Variants in SGCZ observed in about 807,000 individuals in gnomAD.
The protein encoded by SGCZ is sarcoglycan zeta.
A neutral mutation model predicts 41.3 loss-of-function variants in SGCZ; 40 were observed. The ratio of observed to expected loss-of-function variants is 0.97; its 90% CI spans 0.75 to 1.26. The LOEUF (loss-of-function observed/expected upper bound fraction) is 1.26, where lower values mean the gene tolerates loss of function less well. Ranked by LOEUF, SGCZ falls within the 50% of genes most tolerant of loss-of-function variation. SGCZ has a pLI of 0.00. For missense variants in SGCZ, 552 were observed against 369.8 expected, an observed-to-expected ratio of 1.49 and a Z score of -4.04; for synonymous variants, 206 against 137.5, an observed-to-expected ratio of 1.50 and a Z score of -3.49.
intron 1 of SGCZ, among the ~76,000 whole-genome samples, chr8:14,702,782 C>CAGATAGAT (rs1246794765): frequency 1.7e-4 from 14 of 80,962 alleles, no homozygotes; most frequent in African/African-American, 5.8e-4. Flanking sequence ...GATAGATAGA[C>CAGATAGAT]AGACAGACAG....
intron 2 of SGCZ, among the ~76,000 whole-genome samples, chr8:14,531,182 C>T (rs1803119145): frequency 6.6e-6 from 1 of 151,816 alleles, no homozygotes; most frequent in Non-Finnish European, 1.5e-5. Flanking sequence ...CTAAATGTTG[C>T]TTTTTCCAAG....
chr8:14,411,823 C>A (rs546442511), intron 2 of SGCZ, among the ~76,000 whole-genome samples: 1 of 152,164 alleles, frequency 6.6e-6, no homozygotes, highest in East Asian at 1.9e-4. Context: ...AAAATGTGCT[C>A]TTTTTCCAGT....
chr8:14,791,260 G>A (rs549535101), intron 1 of SGCZ, among the ~76,000 whole-genome samples: 3 of 151,950 alleles, frequency 2.0e-5, no homozygotes, highest in East Asian at 1.9e-4. Flanking sequence ...GTTTGCCAGA[G>A]ACTGCTTTTC....
intron 1 of SGCZ, among the ~76,000 whole-genome samples, chr8:15,039,390 A>G (rs1285112606): frequency 6.6e-6 from 1 of 152,214 alleles, no homozygotes; most frequent in Admixed American, 6.5e-5. Flanking sequence ...CAAATACCGC[A>G]TGATATTACT....
chr8:14,647,556 C>G (rs1182576870), intron 1 of SGCZ, among the ~76,000 whole-genome samples: 1 of 151,872 alleles, frequency 6.6e-6, no homozygotes, highest in East Asian at 1.9e-4. Context: ...ATGGTACGAG[C>G]CTTCTTCATG....
chr8:15,191,828 A>AT (rs1800550619), intron 1 of SGCZ, among the ~76,000 whole-genome samples: 1 of 152,064 alleles, frequency 6.6e-6, no homozygotes, highest in African/African-American at 2.4e-5. Flanking sequence ...TAATTATACA[A>AT]AATGACTCTA....
intron 5 of SGCZ, among the ~76,000 whole-genome samples, chr8:14,136,941 G>A (rs556864716): frequency 5.3e-5 from 8 of 152,284 alleles, no homozygotes; most frequent in East Asian, 1.9e-4. Context: ...CCTCTGAGAC[G>A]AAGCTTACAG....
chr8:14,785,294 G>T (rs971969403), intron 1 of SGCZ, among the ~76,000 whole-genome samples: 1 of 151,976 alleles, frequency 6.6e-6, no homozygotes, highest in East Asian at 1.9e-4. Flanking sequence ...ACAAAAAGTT[G>T]TCCTTTCTCA....
chr8:15,224,442 A>G (rs1801704015), intron 1 of SGCZ, among the ~76,000 whole-genome samples: 2 of 152,216 alleles, frequency 1.3e-5, no homozygotes. Context: ...AAAAATTCTG[A>G]AAAGCTAGAG....
At chr8:15,172,165 T>G (rs201293401) in intron 1 of SGCZ, among the ~76,000 whole-genome samples, 1 of 58,848 alleles carries the variant, frequency 1.7e-5, no homozygotes, top group Non-Finnish European at 5.1e-5. Context: ...TTTTTTTTTT[T>G]TTTTTTTTTT....
At chr8:14,121,238 ATATT>A (rs1265424755) in intron 5 of SGCZ, among the ~76,000 whole-genome samples, 1 of 151,866 alleles carries the variant, frequency 6.6e-6, no homozygotes, top group African/African-American at 2.4e-5. Flanking sequence ...ATATTCAACT[ATATT>A]ATATTCAGTA....
intron 1 of SGCZ, among the ~76,000 whole-genome samples, chr8:14,943,998 C>A (rs559012360): frequency 6.6e-5 from 10 of 152,188 alleles, no homozygotes; most frequent in Non-Finnish European, 1.2e-4. Context: ...TTTCTTTATC[C>A]AGTCTACTGC....
In SGCZ at chr8:14,086,750, A is replaced by G. The variant is rs1305145116; in HGVS notation, c.*3693T>C. On this transcript the variant is annotated 3_prime_UTR_variant, in exon 8 of 8. Transcript: ENST00000382080. The stretch of plus-strand genomic sequence containing the variant: ...AAGAGTGTAAAAGGGAGTATAAAAA[A>G]GAGCATAGGAAGTAGCGTGCCAAAA... Among the ~76,000 whole-genome samples the G allele has an allele frequency of 6.6e-6, 1 of 151,728 alleles. No homozygotes were observed. Among genetic ancestry groups the G allele is most frequent in the Admixed American group, 6.6e-5 (1 of 15,180 alleles).
intron 1 of SGCZ, among the ~76,000 whole-genome samples, chr8:14,609,778 T>C (rs1033294129): frequency 6.6e-6 from 1 of 152,144 alleles, no homozygotes; most frequent in Non-Finnish European, 1.5e-5. Context: ...TTTGTATACA[T>C]GTCTCATTTC....
At chr8:15,229,011 T>C (rs1801861165) in intron 1 of SGCZ, among the ~76,000 whole-genome samples, 1 of 152,100 alleles carries the variant, frequency 6.6e-6, no homozygotes, top group South Asian at 2.1e-4. Flanking sequence ...CTGGCCAACA[T>C]GGTGAAACCC....
chr8:14,684,693 T>G (rs115216634), intron 1 of SGCZ, among the ~76,000 whole-genome samples: 53,493 of 151,364 alleles, frequency 0.35, 11,997 homozygotes, highest in African/African-American at 0.64. Context: ...TTGTTTTTCC[T>G]TTTTTTGTTT....
At chr8:14,502,356 A>G (rs1330185082) in intron 2 of SGCZ, among the ~76,000 whole-genome samples, 1 of 152,180 alleles carries the variant, frequency 6.6e-6, no homozygotes, top group Non-Finnish European at 1.5e-5. Flanking sequence ...GCAATAAGTA[A>G]TATTTATTCA....
In SGCZ at chr8:14,519,468, T is replaced by C. The variant is rs1802723408; in HGVS notation, c.234+35264A>G. 2.0e-5 allele frequency among the ~76,000 whole-genome samples: 3 copies of C among 152,262 alleles called. No individual in the cohort carries two copies. In the South Asian group the frequency reaches 6.2e-4, roughly 32 times the overall value. On this transcript the variant is annotated intron_variant, in intron 2 of 7. Coordinates refer to ENST00000382080, the MANE Select transcript of SGCZ (RefSeq NM_139167.4). ...ACTTTTAATAAGATAAACTATAATA[T>C]AATGTCTTATGAACATCAAGAGAAA...
intron 1 of SGCZ, among the ~76,000 whole-genome samples, chr8:14,724,974 C>T (rs1436680833): frequency 6.6e-6 from 1 of 151,986 alleles, no homozygotes; most frequent in African/African-American, 2.4e-5. Flanking sequence ...ACCATTAACC[C>T]CCACCAACAC....
Sources: allele counts gnomAD v4.1 joint callset (sites outside exome capture counted in the v4.1 genomes callset), GRCh38; gene constraint gnomAD v4.1.1; transcripts MANE v1.5; gene names NCBI Gene and HGNC (gene_info 2026-07-23, HGNC 2026-07-21).